RNF38: variants seen among roughly 807,000 people sequenced by gnomAD.
The protein encoded by RNF38 is ring finger protein 38.
A neutral mutation model predicts 67.2 loss-of-function variants in RNF38; 15 were observed. The ratio of observed to expected loss-of-function variants is 0.22; its 90% CI spans 0.15 to 0.34. RNF38 has a LOEUF of 0.34. RNF38 is among the 10% of genes least tolerant of loss of function. The probability of loss-of-function intolerance (pLI) is 1.00; values close to 1 mark genes in which losing one functional copy is unlikely to be tolerated. For synonymous variants in RNF38, 220 were observed against 218.8 expected, an observed-to-expected ratio of 1.01 and a Z score of -0.05; for missense variants, 524 against 639.9, an observed-to-expected ratio of 0.82 and a Z score of 1.95.
chr9:36,404,078 T>A (rs993905224), upstream of RNF38, among the ~76,000 whole-genome samples: 2 of 141,344 alleles, frequency 1.4e-5, no homozygotes, highest in East Asian at 4.2e-4. Context: ...GAATTTTTAT[T>A]ATTTTCTCTT....
chr9:36,349,924 C>T (rs531330303), intron 9 of RNF38, among the ~76,000 whole-genome samples: 1 of 152,206 alleles, frequency 6.6e-6, no homozygotes, highest in South Asian at 2.1e-4. Context: ...GATCTTGGCT[C>T]ACTGCAGCCT....
At chr9:36,381,486 TG>T (rs1199248949) in intron 2 of RNF38, among the ~76,000 whole-genome samples, 1 of 152,192 alleles carries the variant, frequency 6.6e-6, no homozygotes, top group Non-Finnish European at 1.5e-5. Flanking sequence ...ATGGACTTTT[TG>T]TGACAATAAG....
At chr9:36,357,334 G>T (rs1380219821) in intron 5 of RNF38, among the ~76,000 whole-genome samples, 2 of 152,216 alleles carry the variant, frequency 1.3e-5, no homozygotes, top group Admixed American at 1.3e-4. Context: ...GTTTCCTATA[G>T]TAAGGAATAA....
chr9:36,354,023 T>G (rs899638937), intron 6 of RNF38, among the ~76,000 whole-genome samples: 2 of 152,180 alleles, frequency 1.3e-5, no homozygotes, highest in Non-Finnish European at 2.9e-5. Flanking sequence ...TTCATTGAGA[T>G]ATAACTGACA....
chr9:36,344,878 G>A lies in RNF38; in HGVS notation c.1339C>T (p.Pro447Ser). 1 of 1,614,080 alleles carries A rather than the reference G, an allele frequency of 6.2e-7. No individual in the cohort carries two copies. Among genetic ancestry groups the A allele is most frequent in the Non-Finnish European group, 8.5e-7 (1 of 1,179,944 alleles). Residue 447 changes from proline to serine, a missense_variant, in exon 10 of 12, where the codon CCT (proline) becomes TCT (serine). Pro to Ser is a moderately conservative substitution (Grantham distance 74). Coordinates refer to ENST00000259605, the MANE Select transcript of RNF38 (RefSeq NM_022781.5). ...TTGTTAGGATTGAACCGATAAGAAG[G>A]AAGTTGTTCAATATCTGCTTTAGTC... ...GLTKADIEQL[P>S]SYRFNPNNHQ...
intron 2 of RNF38, among the ~76,000 whole-genome samples, chr9:36,389,649 C>T (rs902917693): frequency 6.6e-6 from 1 of 152,164 alleles, no homozygotes; most frequent in Non-Finnish European, 1.5e-5. Flanking sequence ...GATCACCTAT[C>T]CCTCCAAATT....
At chr9:36,342,176 T>C in intron 11 of RNF38, 149 bp downstream of exon 11, 2 of 474,776 alleles carry the variant, frequency 4.2e-6, no homozygotes, top group Non-Finnish European at 7.1e-6. Context: ...TAATTTTTAC[T>C]GGCCTTTTCT....
At chr9:36,445,378 G>T (rs1292433557) in intron 1 of RNF38, among the ~76,000 whole-genome samples, 1 of 152,094 alleles carries the variant, frequency 6.6e-6, no homozygotes, top group East Asian at 1.9e-4. Flanking sequence ...ATGATTTCAT[G>T]TTTTTCTTTT....
At chr9:36,390,974 G>C (rs1485687087) in intron 1 of RNF38, among the ~76,000 whole-genome samples, 1 of 152,214 alleles carries the variant, frequency 6.6e-6, no homozygotes, top group African/African-American at 2.4e-5. Context: ...CTTAAGTACA[G>C]AAAGGTTAAG....
chr9:36,434,280 T>C (rs1587130850), intron 1 of RNF38, among the ~76,000 whole-genome samples: 1 of 78,300 alleles, frequency 1.3e-5, no homozygotes, highest in South Asian at 6.4e-4. Flanking sequence ...GGGGAAGGGA[T>C]AGGGGAGAAG....
intron 1 of RNF38, among the ~76,000 whole-genome samples, chr9:36,398,602 C>T (rs1004377838): frequency 6.6e-6 from 1 of 152,084 alleles, no homozygotes; most frequent in African/African-American, 2.4e-5. Flanking sequence ...TAGACAAGAA[C>T]TATACTGTTC....
At chr9:36,460,011 G>A (rs540120236) in intron 1 of RNF38, among the ~76,000 whole-genome samples, 34 of 152,004 alleles carry the variant, frequency 2.2e-4, no homozygotes, top group African/African-American at 8.0e-4. Context: ...TAACTTAAAC[G>A]ACAGAAAATT....
rs977809663 is a variant in RNF38, at chr9:36,407,883, C to A, written n.312+16730G>T. ...CAATTCTTTCTTTGTTAGGGAGGAACCATCTCTGTATTTTTTTTAAATCCT... is the reference window on the plus strand; with the variant it reads ...CAATTCTTTCTTTGTTAGGGAGGAAACATCTCTGTATTTTTTTTAAATCCT... On this transcript the variant is annotated intron_variant and non_coding_transcript_variant, in intron 2 of 3. Transcript: ENST00000488058. Among the ~76,000 whole-genome samples the A allele has an allele frequency of 7.2e-5, 11 of 152,124 alleles. 1 individual carries two copies. The highest frequency in any genetic ancestry group is 2.0e-4 in the Admixed American group (3 of 15,276).
At chr9:36,445,287 G>A (rs1264376542) in intron 1 of RNF38, among the ~76,000 whole-genome samples, 2 of 152,226 alleles carry the variant, frequency 1.3e-5, no homozygotes, top group Non-Finnish European at 2.9e-5. Context: ...GAACGTAGCA[G>A]AGAAGTTGAA....
At chr9:36,421,955 G>A (rs1466529641) in intron 2 of RNF38, among the ~76,000 whole-genome samples, 1 of 152,140 alleles carries the variant, frequency 6.6e-6, no homozygotes, top group African/African-American at 2.4e-5. Context: ...AATCTGGCCA[G>A]GCATGGTGGC....
At chr9:36,420,774 A>T (rs1217773347) in intron 2 of RNF38, among the ~76,000 whole-genome samples, 1 of 152,178 alleles carries the variant, frequency 6.6e-6, no homozygotes, top group Non-Finnish European at 1.5e-5. Context: ...GCCACCTAGA[A>T]ATTATGGAAT....
chr9:36,483,327 A>C (rs1229822125), intron 1 of RNF38, among the ~76,000 whole-genome samples: 1 of 152,074 alleles, frequency 6.6e-6, no homozygotes, highest in African/African-American at 2.4e-5. Context: ...TGGAGGCTGC[A>C]GTGAGCCGAG....
chr9:36,385,507 T>C (rs1836551445), intron 2 of RNF38, among the ~76,000 whole-genome samples: 3 of 151,736 alleles, frequency 2.0e-5, no homozygotes, highest in African/African-American at 7.3e-5. Context: ...GCCTCCCGAG[T>C]AGCAGGGATT....
chr9:36,391,086 G>A (rs1837046723), intron 1 of RNF38, among the ~76,000 whole-genome samples: 1 of 152,096 alleles, frequency 6.6e-6, no homozygotes, highest in Non-Finnish European at 1.5e-5. Context: ...AATATTTGTG[G>A]CAAATTTTCT....
Sources: allele counts gnomAD v4.1 joint callset (sites outside exome capture counted in the v4.1 genomes callset), GRCh38; gene constraint gnomAD v4.1.1; transcripts MANE v1.5; gene names NCBI Gene and HGNC (gene_info 2026-07-23, HGNC 2026-07-21).